Variants in CEP128 observed in about 807,000 individuals in gnomAD.
The protein encoded by CEP128 is centrosomal protein 128kDa.
In CEP128, 132 loss-of-function variants were observed where a neutral mutation model predicts 156.7. The observed-to-expected ratio is 0.84, with a 90% CI of 0.73 to 0.97. The LOEUF (loss-of-function observed/expected upper bound fraction) is 0.97, where lower values mean the gene tolerates loss of function less well. CEP128 is among the 50% of genes least tolerant of loss of function. CEP128 has a pLI of 0.00. For missense variants in CEP128, 1,252 were observed against 1,281.9 expected (o/e 0.98, Z 0.36); for synonymous variants, 469 against 448.9 (o/e 1.04, Z -0.57).
chr14:80,534,404 T>G (rs1248992980), intron 21 of CEP128, among the ~76,000 whole-genome samples: 18 of 152,218 alleles, frequency 1.2e-4, no homozygotes, highest in Admixed American at 1.2e-3. Flanking sequence ...TGAGGACCTA[T>G]GTCATGTTAA....
chr14:80,884,359 G>C (rs1329101926), intron 8 of CEP128, among the ~76,000 whole-genome samples: 1 of 152,174 alleles, frequency 6.6e-6, no homozygotes. Flanking sequence ...ATTATACAGA[G>C]AGCTGTCAAG....
chr14:80,635,497 T>G (rs1894144225), intron 19 of CEP128, among the ~76,000 whole-genome samples: 1 of 152,222 alleles, frequency 6.6e-6, no homozygotes, highest in South Asian at 2.1e-4. Context: ...ATTTGTTAAC[T>G]TGTTATATAG....
Position 80,840,772 on chromosome 14 carries a change from G to A in CEP128, c.763-4C>T, listed in dbSNP as rs755792238. On this transcript the variant is annotated splice_polypyrimidine_tract_variant and splice_region_variant and intron_variant, in intron 9 of 24. Transcript: ENST00000555265. ...TAGCTTCTTGTTTCTTTAGTGCCTG[G>A]AATGAAAGAGGTGGAAAAAAATTAT... The A allele has an allele frequency of 6.3e-7, 1 of 1,587,082 alleles. No homozygotes were observed. The highest frequency in any genetic ancestry group is 1.1e-5 in the South Asian group (1 of 89,114).
intron 19 of CEP128, among the ~76,000 whole-genome samples, chr14:80,716,718 G>A (rs892483103): frequency 8.5e-5 from 13 of 152,234 alleles, no homozygotes; most frequent in East Asian, 1.9e-4. Flanking sequence ...ATGCGTGTAC[G>A]GGTTTTTGCT....
chr14:80,732,515 T>TGCGC (rs1555396243), intron 19 of CEP128, among the ~76,000 whole-genome samples: 1 of 147,902 alleles, frequency 6.8e-6, no homozygotes, highest in Non-Finnish European at 1.5e-5. Context: ...TGTGTGTGTG[T>TGCGC]GTGTGGTTTC....
intron 19 of CEP128, among the ~76,000 whole-genome samples, chr14:80,619,344 T>C (rs1893363467): frequency 7.4e-6 from 1 of 134,980 alleles, no homozygotes; most frequent in Non-Finnish European, 1.6e-5. Context: ...TATAAAATGT[T>C]TTAAATGATT....
intron 19 of CEP128, among the ~76,000 whole-genome samples, chr14:80,699,475 G>A (rs760494299): frequency 6.6e-6 from 1 of 152,178 alleles, no homozygotes. Flanking sequence ...TGCAAGGGGA[G>A]ATATATTCAT....
chr14:80,593,546 CAAAA>C (rs780221928), intron 19 of CEP128, among the ~76,000 whole-genome samples: 2 of 77,846 alleles, frequency 2.6e-5, no homozygotes. Flanking sequence ...GACTCCATCT[CAAAA>C]AAAAAAAAAA....
chr14:80,539,447 A>G (rs564223830), intron 21 of CEP128, among the ~76,000 whole-genome samples: 1 of 152,298 alleles, frequency 6.6e-6, no homozygotes, highest in East Asian at 1.9e-4. Context: ...TTTCAAGGAC[A>G]TTTATCAGTT....
chr14:80,526,849 A>G lies in CEP128; in HGVS notation c.3072+20T>C. 4.3e-6 allele frequency: 6 copies of G among 1,391,470 alleles called. No individual in the cohort carries two copies. The highest frequency in any genetic ancestry group is 6.1e-6 in the Non-Finnish European group (6 of 982,292). 86.2% of individuals were successfully genotyped at this position (1,391,470 alleles called of 1,614,324 possible). On this transcript the variant is annotated intron_variant, in intron 23 of 24. Coordinates refer to ENST00000555265, the MANE Select transcript of CEP128 (RefSeq NM_152446.5). The stretch of plus-strand genomic sequence containing the variant: ...CATGGATACTACTTAAAGACTAAAA[A>G]AGTATATAAAGAAAATTACTTTGAA...
intron 4 of CEP128, among the ~76,000 whole-genome samples, chr14:80,907,634 G>C (rs1883960092): frequency 6.7e-6 from 1 of 149,400 alleles, no homozygotes. Context: ...CTCCAGCCTG[G>C]GCGGCAGAGC....
At chr14:80,647,058 T>TGTTTGC (rs751298715) in intron 19 of CEP128, among the ~76,000 whole-genome samples, 1 of 42,878 alleles carries the variant, frequency 2.3e-5, no homozygotes, top group Non-Finnish European at 4.0e-5. Context: ...TATATATATA[T>TGTTTGC]ATATATATAT....
chr14:80,480,643 T>C (rs1028001892), intron 14 of CEP128, among the ~76,000 whole-genome samples: 1 of 152,174 alleles, frequency 6.6e-6, no homozygotes, highest in African/African-American at 2.4e-5. Flanking sequence ...TTCTTTTCTA[T>C]TGCATAGTAA....
At chr14:80,516,282 AG>A (rs1458613379) in intron 23 of CEP128, among the ~76,000 whole-genome samples, 1 of 152,172 alleles carries the variant, frequency 6.6e-6, no homozygotes, top group Non-Finnish European at 1.5e-5. Flanking sequence ...TCATGGAATG[AG>A]GGCTTCAGGA....
chr14:80,495,931 AG>A (rs1269780263), downstream of CEP128, among the ~76,000 whole-genome samples: 5 of 152,288 alleles, frequency 3.3e-5, no homozygotes, highest in Admixed American at 3.3e-4. Flanking sequence ...ATTACCATAG[AG>A]TGATATAGTT....
chr14:80,739,544 T>C (rs1173414803), intron 19 of CEP128, among the ~76,000 whole-genome samples: 1 of 152,184 alleles, frequency 6.6e-6, no homozygotes, highest in Non-Finnish European at 1.5e-5. Context: ...CAAGCTTTTC[T>C]ATGACTAGTA....
intron 14 of CEP128, among the ~76,000 whole-genome samples, chr14:80,480,919 G>A (rs944757393): frequency 2.0e-5 from 3 of 152,126 alleles, no homozygotes; most frequent in Non-Finnish European, 4.4e-5. Flanking sequence ...CCTCAGCCTG[G>A]ACCTTTATTG....
intron 9 of CEP128, among the ~76,000 whole-genome samples, chr14:80,862,191 C>T (rs1431556855): frequency 6.6e-6 from 1 of 152,212 alleles, no homozygotes; most frequent in Non-Finnish European, 1.5e-5. Flanking sequence ...ATACTTTAAA[C>T]TCCATGGGCC....
At chr14:80,860,029 A>G (rs927862847) in intron 9 of CEP128, among the ~76,000 whole-genome samples, 3 of 152,214 alleles carry the variant, frequency 2.0e-5, no homozygotes, top group African/African-American at 7.2e-5. Flanking sequence ...CACCTGCTCA[A>G]TTATGGATTT....
Sources: gnomAD v4.1 joint callset for allele counts (sites outside exome capture counted in the v4.1 genomes callset) on GRCh38, gnomAD v4.1.1 for gene constraint, MANE v1.5 for transcripts, NCBI Gene and HGNC (gene_info 2026-07-23, HGNC 2026-07-21) for gene names.